Variants in SUGCT observed in about 807,000 individuals in gnomAD.
SUGCT encodes the protein succinyl-CoA:glutarate-CoA transferase, also known as succinyl-CoA:glutarate CoA-transferase.
Under a neutral mutation model 55.0 loss-of-function variants are expected in SUGCT, and 41 were observed. That is an observed-to-expected ratio of 0.74 (90% CI 0.58 to 0.97). The LOEUF (loss-of-function observed/expected upper bound fraction) is 0.97, where lower values mean the gene tolerates loss of function less well. Ranked by LOEUF, SUGCT falls within the 50% of genes least tolerant of loss-of-function variation. The pLI, the probability that SUGCT is intolerant of heterozygous loss-of-function variation, is 0.00. For synonymous variants in SUGCT, 187 were observed against 200.4 expected, an observed-to-expected ratio of 0.93 and a Z score of 0.56; for missense variants, 568 against 547.8, an observed-to-expected ratio of 1.04 and a Z score of -0.37.
At chr7:40,651,023 A>G (rs992478150) in intron 12 of SUGCT, among the ~76,000 whole-genome samples, 3 of 152,160 alleles carry the variant, frequency 2.0e-5, no homozygotes, top group Non-Finnish European at 4.4e-5. Context: ...TTCCAGCTCC[A>G]TTCATGTCCC....
chr7:40,748,588 A>G (rs1787855572), intron 12 of SUGCT, among the ~76,000 whole-genome samples: 1 of 151,782 alleles, frequency 6.6e-6, no homozygotes. Context: ...GTTATTAGTT[A>G]TAGAGAATAA....
chr7:40,305,991 C>A (rs1794834989), intron 8 of SUGCT, among the ~76,000 whole-genome samples: 1 of 152,018 alleles, frequency 6.6e-6, no homozygotes, highest in Non-Finnish European at 1.5e-5. Flanking sequence ...TTTTTTACAT[C>A]CTCAAAAAGA....
chr7:40,581,817 C>G (rs539745143), intron 12 of SUGCT, among the ~76,000 whole-genome samples: 1 of 152,256 alleles, frequency 6.6e-6, no homozygotes, highest in Admixed American at 6.5e-5. Flanking sequence ...AAAAGTCCAC[C>G]TGGAAAGTGA....
intron 6 of SUGCT, among the ~76,000 whole-genome samples, chr7:40,228,628 A>T (rs1309434718): frequency 6.6e-6 from 1 of 152,170 alleles, no homozygotes; most frequent in Non-Finnish European, 1.5e-5. Flanking sequence ...GGCATTGATG[A>T]TGATTTCCCA....
chr7:40,696,212 G>A (rs1045691356), intron 12 of SUGCT, among the ~76,000 whole-genome samples: 16 of 152,152 alleles, frequency 1.1e-4, no homozygotes, highest in African/African-American at 3.6e-4. Context: ...CATCAGTCAC[G>A]AATTGTAGAA....
chr7:40,139,176 A>AATCAATC (rs1562788729), intron 1 of SUGCT, among the ~76,000 whole-genome samples: 1 of 132,982 alleles, frequency 7.5e-6, no homozygotes, highest in Non-Finnish European at 1.7e-5. Context: ...ATAAATAAAT[A>AATCAATC]AATCCAGGAT....
At chr7:40,957,447 C>CTTTTTTTTTTTTTT in the SUGCT span, among the ~76,000 whole-genome samples, 8 of 76,108 alleles carry the variant, frequency 1.1e-4, no homozygotes, top group Admixed American at 1.6e-4. Flanking sequence ...GCAACCCCTG[C>CTTTTTTTTTTTTTT]TTTTTTTTTT....
At chr7:40,277,714 T>A (rs9692217) in intron 8 of SUGCT, among the ~76,000 whole-genome samples, 1 of 150,900 alleles carries the variant, frequency 6.6e-6, no homozygotes, top group Admixed American at 6.6e-5. Flanking sequence ...ATACTTTAAG[T>A]TTTAGGGTAC....
chr7:40,410,160 G>T (rs1346180109), intron 9 of SUGCT, among the ~76,000 whole-genome samples: 1 of 151,938 alleles, frequency 6.6e-6, no homozygotes, highest in Non-Finnish European at 1.5e-5. Context: ...GTCATAACTG[G>T]CCACATCACC....
At chr7:40,471,579 G>T (rs1790405692) in intron 11 of SUGCT, among the ~76,000 whole-genome samples, 1 of 151,994 alleles carries the variant, frequency 6.6e-6, no homozygotes, top group African/African-American at 2.4e-5. Flanking sequence ...TGGCTAGGAA[G>T]ACTAAATATT....
intron 12 of SUGCT, among the ~76,000 whole-genome samples, chr7:40,666,614 C>T (rs887687387): frequency 6.6e-6 from 1 of 151,552 alleles, no homozygotes; most frequent in African/African-American, 2.4e-5. Flanking sequence ...GGAAAGCCAG[C>T]CAGGGAAACC....
chr7:40,381,044 T>C (rs1475907176), intron 9 of SUGCT, among the ~76,000 whole-genome samples: 2 of 152,162 alleles, frequency 1.3e-5, no homozygotes, highest in African/African-American at 4.8e-5. Flanking sequence ...ATTTGTCATA[T>C]TTTTAATATC....
chr7:40,820,338 C>T (rs1791920791), intron 13 of SUGCT, among the ~76,000 whole-genome samples: 2 of 152,090 alleles, frequency 1.3e-5, no homozygotes, highest in South Asian at 4.2e-4. Flanking sequence ...GGCACTGAAT[C>T]TATAAATTAC....
At position 40,224,073 on chromosome 7, in the gene SUGCT, G is replaced by C. The variant is rs185922007; in HGVS notation, c.485-13562G>C. Among the ~76,000 whole-genome samples, 651 of 152,254 alleles carry C rather than the reference G, an allele frequency of 4.3e-3. 2 individuals carry two copies. The highest frequency in any genetic ancestry group is 0.014 in the African/African-American group (563 of 41,564). On this transcript the variant is annotated intron_variant, in intron 6 of 13. Transcript: ENST00000335693. Reference sequence around the variant, plus strand: ...GTTTTTATTTTCTTTTCTACTCAAAGATTATGTTTTATATTCCTGTCATTT... The same window carrying C: ...GTTTTTATTTTCTTTTCTACTCAAACATTATGTTTTATATTCCTGTCATTT...
At chr7:40,225,035 TTGG>T (rs1788253848) in intron 6 of SUGCT, among the ~76,000 whole-genome samples, 2 of 152,170 alleles carry the variant, frequency 1.3e-5, no homozygotes, top group Admixed American at 1.3e-4. Context: ...TGCCTGCCTG[TTGG>T]GGTAGAAGGT....
At chr7:40,744,233 T>G (rs1456013751) in intron 12 of SUGCT, among the ~76,000 whole-genome samples, 1 of 152,064 alleles carries the variant, frequency 6.6e-6, no homozygotes, top group Admixed American at 6.6e-5. Context: ...TGGCCACTGA[T>G]GAGGGTTTTA....
intron 13 of SUGCT, among the ~76,000 whole-genome samples, chr7:40,852,284 T>TTCTA (rs1162026326): frequency 2.0e-5 from 3 of 152,184 alleles, no homozygotes; most frequent in African/African-American, 7.2e-5. Flanking sequence ...TGTCCTCTCA[T>TTCTA]TCTATCACTA....
At chr7:40,171,747 A>G (rs1474938024) in intron 1 of SUGCT, among the ~76,000 whole-genome samples, 1 of 152,214 alleles carries the variant, frequency 6.6e-6, no homozygotes, top group Non-Finnish European at 1.5e-5. Flanking sequence ...TCCGCAGGTT[A>G]GTGGATTAAG....
At chr7:40,580,672 G>C (rs1338134085) in intron 12 of SUGCT, among the ~76,000 whole-genome samples, 1 of 152,178 alleles carries the variant, frequency 6.6e-6, no homozygotes, top group African/African-American at 2.4e-5. Context: ...GACATTTCTT[G>C]ATTAATATGT....
Sources: gnomAD v4.1 joint callset for allele counts (sites outside exome capture counted in the v4.1 genomes callset) on GRCh38, gnomAD v4.1.1 for gene constraint, MANE v1.5 for transcripts, NCBI Gene and HGNC (gene_info 2026-07-23, HGNC 2026-07-21) for gene names.